PCDHA10: variants seen among roughly 807,000 people sequenced by gnomAD.
PCDHA10 encodes protocadherin alpha 10.
Under a neutral mutation model 61.2 loss-of-function variants are expected in PCDHA10, and 45 were observed. The observed-to-expected ratio is 0.74, with a 90% confidence interval of 0.58 to 0.94. The LOEUF is 0.94. Among genes scored for constraint, PCDHA10 ranks in the 40% least tolerant of loss-of-function variants. The probability of loss-of-function intolerance (pLI) is 0.00; values close to 1 mark genes in which losing one functional copy is unlikely to be tolerated. For synonymous variants in PCDHA10, 602 were observed against 548.8 expected, an observed-to-expected ratio of 1.10 and a Z score of -1.35; for missense variants, 1,278 against 1,236.2, an observed-to-expected ratio of 1.03 and a Z score of -0.51.
At chr5:140,906,713 G>A (rs1554192665) in intron 1 of PCDHA10, among the ~76,000 whole-genome samples, 1 of 152,160 alleles carries the variant, frequency 6.6e-6, no homozygotes, top group Non-Finnish European at 1.5e-5. Flanking sequence ...AGTCCTGCCT[G>A]GATTGTGCTG....
intron 1 of PCDHA10, chr5:140,929,303 A>G (rs782378312): frequency 1.1e-5 from 17 of 1,586,722 alleles, no homozygotes; most frequent in Non-Finnish European, 1.1e-5. Context: ...AGGAAAGGGG[A>G]TCACGCTAAT....
chr5:140,939,005 G>A (rs2092293653), intron 1 of PCDHA10, among the ~76,000 whole-genome samples: 1 of 152,200 alleles, frequency 6.6e-6, no homozygotes, highest in Non-Finnish European at 1.5e-5. Flanking sequence ...AAGTTAAGAA[G>A]TGTTACTTTT....
chr5:140,872,703 G>C (rs1582092486), intron 1 of PCDHA10, among the ~76,000 whole-genome samples: 1 of 152,114 alleles, frequency 6.6e-6, no homozygotes, highest in Admixed American at 6.5e-5. Context: ...TGATTCCAAA[G>C]GAAACTAGGT....
intron 1 of PCDHA10, among the ~76,000 whole-genome samples, chr5:140,958,853 G>T (rs897789588): frequency 1.3e-5 from 2 of 151,804 alleles, no homozygotes; most frequent in Non-Finnish European, 2.9e-5. Context: ...AGTGTCTTTG[G>T]TTTACTGGGT....
At chr5:140,879,257 G>A (rs782639090) in intron 1 of PCDHA10, among the ~76,000 whole-genome samples, 3 of 152,202 alleles carry the variant, frequency 2.0e-5, no homozygotes, top group Non-Finnish European at 4.4e-5. Flanking sequence ...AGTAGAAGCA[G>A]CCAGATAATG....
chr5:140,856,843 T>G lies in PCDHA10; in HGVS notation c.795T>G (p.Ala265=). Residue 265 remains alanine, a synonymous_variant, in exon 1 of 4, where the codon GCT becomes GCG. Coordinates refer to ENST00000307360, the MANE Select transcript of PCDHA10 (RefSeq NM_018901.4). ...AAACATTAGTAATACGGCTCAACGCTTCTGATTCGGATGAAGGAATAAACA... is the reference window on the plus strand; with the variant it reads ...AAACATTAGTAATACGGCTCAACGCGTCTGATTCGGATGAAGGAATAAACA... ...VNQTLVIRLN[A]SDSDEGINKE... The G allele has an allele frequency of 6.3e-7, 1 of 1,593,286 alleles. No individual in the cohort carries two copies. Among genetic ancestry groups the G allele is most frequent in the South Asian group, 1.1e-5 (1 of 90,490 alleles).
Position 140,873,289 on chromosome 5 carries a change from C to T in PCDHA10, c.2388+14853C>T, listed in dbSNP as rs542998877. On this transcript the variant is annotated intron_variant, in intron 1 of 3. Transcript: ENST00000307360. ...TTAAACCATCATACCACTTATGAAA[C>T]TTTATAAATATAATAAAGGTGAATA... Among the ~76,000 whole-genome samples, 19 of 152,188 alleles carry T rather than the reference C, an allele frequency of 1.2e-4. No homozygotes were observed. In the South Asian group the frequency reaches 3.7e-3, roughly 30 times the overall value.
chr5:140,928,043 C>T, intron 1 of PCDHA10: 1 of 1,614,192 alleles, frequency 6.2e-7, no homozygotes, highest in Non-Finnish European at 8.5e-7. Context: ...AGTGCAGGCC[C>T]TTTTCAGCTG....
intron 1 of PCDHA10, among the ~76,000 whole-genome samples, chr5:140,935,894 C>CTT (rs55841305): frequency 0.3 from 41,439 of 136,538 alleles, 6,640 homozygotes; most frequent in East Asian, 0.49. Context: ...TCAATATTAT[C>CTT]TTTTTTTTTT....
chr5:140,938,500 T>C (rs1450018538), intron 1 of PCDHA10, among the ~76,000 whole-genome samples: 2 of 152,156 alleles, frequency 1.3e-5, no homozygotes, highest in Non-Finnish European at 2.9e-5. Context: ...AGGCATTGAA[T>C]TTATCACATA....
intron 1 of PCDHA10, chr5:140,927,041 T>G (rs1242687827): frequency 9.9e-6 from 16 of 1,612,338 alleles, no homozygotes; most frequent in Non-Finnish European, 1.0e-5. Context: ...GCGGCCGCTA[T>G]GTCCTCGCGG....
At chr5:140,896,710 T>C (rs1231459059) in intron 1 of PCDHA10, among the ~76,000 whole-genome samples, 2 of 152,160 alleles carry the variant, frequency 1.3e-5, no homozygotes, top group Non-Finnish European at 2.9e-5. Flanking sequence ...TGTTTGTTTT[T>C]TGCTTGTTAA....
chr5:140,942,197 T>C (rs2093245078), intron 1 of PCDHA10, among the ~76,000 whole-genome samples: 1 of 152,170 alleles, frequency 6.6e-6, no homozygotes, highest in African/African-American at 2.4e-5. Context: ...TAAAATACAT[T>C]TTTGAGCATA....
At chr5:140,871,033 C>G (rs201299652) in intron 1 of PCDHA10, 336 of 1,613,234 alleles carry the variant, frequency 2.1e-4, no homozygotes, top group Non-Finnish European at 2.7e-4. Flanking sequence ...CTCGCCGCGC[C>G]ACCGACTTCT....
chr5:140,917,948 A>AT (rs1443419626), intron 1 of PCDHA10, among the ~76,000 whole-genome samples: 16 of 151,986 alleles, frequency 1.1e-4, no homozygotes, highest in African/African-American at 3.9e-4. Flanking sequence ...TGGTAGTTTG[A>AT]TAGGAACATC....
In PCDHA10 at chr5:140,927,334, G is replaced by A. The variant is rs201745433; in HGVS notation, c.2389-51615G>A. The A allele has an allele frequency of 4.6e-5, 74 of 1,614,180 alleles. No individual in the cohort carries two copies. Among genetic ancestry groups the A allele is most frequent in the Non-Finnish European group, 5.9e-5 (70 of 1,180,032 alleles). ...CGGAGCCCGCTTTACTCTCCCGAAT[G>A]CCCAAGATGACGACGAGGGAAGCAA... On this transcript the variant is annotated intron_variant, in intron 1 of 3. Transcript: ENST00000307360.
Position 140,978,942 on chromosome 5 carries a change from T to C in PCDHA10, c.2389-7T>C, listed in dbSNP as rs781997267. 5 of 1,614,058 alleles carry C rather than the reference T, an allele frequency of 3.1e-6. No individual in the cohort carries two copies. The African/African-American group carries it at 6.7e-5, about 22-fold the overall frequency. ...TTTAACAGAAAACTCTCTTTGTGAT[T>C]TTGCAGCCACGACAGCCCAACCCTG... is the stretch of plus-strand genomic sequence containing the variant. On this transcript the variant is annotated splice_region_variant and splice_polypyrimidine_tract_variant and intron_variant, in intron 1 of 3. Coordinates refer to ENST00000307360, the MANE Select transcript of PCDHA10 (RefSeq NM_018901.4).
chr5:140,861,332 G>A (rs2046864240), intron 1 of PCDHA10: 1 of 247,774 alleles, frequency 4.0e-6, no homozygotes, highest in African/African-American at 2.3e-5. Context: ...CACCATCCTG[G>A]AAGAGGCCAA....
At chr5:140,864,008 A>G (rs1481887604) in intron 1 of PCDHA10, 3 of 153,088 alleles carry the variant, frequency 2.0e-5, no homozygotes, top group African/African-American at 7.2e-5. Flanking sequence ...CTTAAAAAAA[A>G]AAGTACATTG....
Sources: gnomAD v4.1 joint callset for allele counts (sites outside exome capture counted in the v4.1 genomes callset) on GRCh38, gnomAD v4.1.1 for gene constraint, MANE v1.5 for transcripts, NCBI Gene and HGNC (gene_info 2026-07-23, HGNC 2026-07-21) for gene names.